The following ALG14 variants were observed in gnomAD, a reference collection of about 807,000 sequenced individuals.
ALG14 encodes ALG14 UDP-N-acetylglucosaminyltransferase subunit.
Under a neutral mutation model 22.8 loss-of-function variants are expected in ALG14, and 17 were observed. That is an observed-to-expected ratio of 0.75 (90% CI 0.51 to 1.12). The LOEUF (loss-of-function observed/expected upper bound fraction) is 1.12, where lower values mean the gene tolerates loss of function less well. Ranked by LOEUF, ALG14 falls within the 50% of genes most tolerant of loss-of-function variation. The pLI is 0.00. For missense variants in ALG14, 288 were observed against 271.8 expected (o/e 1.06, Z -0.42); for synonymous variants, 89 against 103.7 (o/e 0.86, Z 0.86).
At chr1:95,051,132 C>T (rs1323549124) in intron 2 of ALG14, among the ~76,000 whole-genome samples, 1 of 152,110 alleles carries the variant, frequency 6.6e-6, no homozygotes, top group East Asian at 1.9e-4. Flanking sequence ...CCTTCTGAAC[C>T]TCAGACTCAT....
chr1:95,010,848 A>C (rs1673342510), intron 3 of ALG14, among the ~76,000 whole-genome samples: 1 of 152,222 alleles, frequency 6.6e-6, no homozygotes, highest in African/African-American at 2.4e-5. Flanking sequence ...AAAAAAAGCC[A>C]GAATATCATT....
intron 1 of ALG14, chr1:95,067,120 C>A (rs1426839352): frequency 6.6e-6 from 1 of 152,032 alleles, no homozygotes; most frequent in African/African-American, 2.4e-5. Flanking sequence ...CTGGGAAAGG[C>A]CATGAAGGAA....
chr1:94,994,845 T>C (rs1672868565), intron 3 of ALG14, among the ~76,000 whole-genome samples: 1 of 152,190 alleles, frequency 6.6e-6, no homozygotes, highest in African/African-American at 2.4e-5. Context: ...ATAGCTTTAA[T>C]AGAGATATCA....
At chr1:95,055,293 A>G (rs1425096998) in intron 2 of ALG14, among the ~76,000 whole-genome samples, 2 of 152,356 alleles carry the variant, frequency 1.3e-5, no homozygotes, top group East Asian at 1.9e-4. Flanking sequence ...GATAACAAAG[A>G]TTCATAGTAA....
intron 1 of ALG14, among the ~76,000 whole-genome samples, chr1:95,071,077 G>C (rs149853734): frequency 0.01 from 1,544 of 152,158 alleles, 22 homozygotes; most frequent in African/African-American, 0.035. Context: ...AATCTCTCCT[G>C]TCCTCTCTCA....
intron 3 of ALG14, among the ~76,000 whole-genome samples, chr1:95,020,025 C>T (rs545264210): frequency 4.9e-4 from 75 of 152,132 alleles, no homozygotes; most frequent in Non-Finnish European, 9.6e-4. Flanking sequence ...CAAGACCAGC[C>T]TGGCCAACAT....
chr1:95,063,823 T>C (rs1675254410), intron 2 of ALG14, among the ~76,000 whole-genome samples: 1 of 152,220 alleles, frequency 6.6e-6, no homozygotes, highest in African/African-American at 2.4e-5. Context: ...GTGAAGAATG[T>C]AAATGGTGGT....
At chr1:95,012,595 A>C (rs1673396726) in intron 3 of ALG14, among the ~76,000 whole-genome samples, 1 of 152,218 alleles carries the variant, frequency 6.6e-6, no homozygotes, top group Admixed American at 6.6e-5. Context: ...TCAAACAGGC[A>C]GTTTAGTCAT....
chr1:95,067,281 G>A (rs1379972086), intron 1 of ALG14: 2 of 152,202 alleles, frequency 1.3e-5, no homozygotes, highest in Non-Finnish European at 2.9e-5. Flanking sequence ...ACCTTGGACT[G>A]ATGCCACCCT....
chr1:94,974,643 A>C lies in ALG14; in HGVS notation c.*8433T>G, dbSNP rs1672361339. 1 of 152,246 alleles carries C rather than the reference A, an allele frequency of 6.6e-6. No individual in the cohort carries two copies. Among genetic ancestry groups the C allele is most frequent in the South Asian group, 2.1e-4 (1 of 4,836 alleles). The allele number at this position is 152,246 out of a possible 1,614,324, so 9.4% of individuals were successfully genotyped here. A position where few individuals can be genotyped will look rare whatever the true frequency, so the allele number is the denominator to read the frequency against. The stretch of plus-strand genomic sequence containing the variant: ...ATCTTCTGCCTTTTGCCTGGCAGGC[A>C]AAAAATTTCTTCCTCTTTTAATATT... On this transcript the variant is annotated 3_prime_UTR_variant, in exon 4 of 4. Transcript: ENST00000370205.
At chr1:95,056,056 A>G (rs994811973) in intron 2 of ALG14, among the ~76,000 whole-genome samples, 3 of 151,764 alleles carry the variant, frequency 2.0e-5, no homozygotes, top group Non-Finnish European at 2.9e-5. Flanking sequence ...AAACTTCTGA[A>G]GGATAAAGCT....
rs370504910 is a variant in ALG14, at chr1:94,993,519, C to A, written c.421-10213G>T. On this transcript the variant is annotated intron_variant, in intron 3 of 3. Transcript: ENST00000370205. ...ATAGAAGAAGCCTGATTACCAAGGG[C>A]AGTATTTTCTGGACTTCCACCAACG... 6.0e-5 allele frequency among the ~76,000 whole-genome samples: 9 copies of A among 151,260 alleles called. No homozygotes were observed. In the South Asian group the frequency reaches 1.9e-3, roughly 32 times the overall value.
Position 94,979,742 on chromosome 1 carries a change from C to T in ALG14, c.*3334G>A, listed in dbSNP as rs775440779. 1 of 152,160 alleles carries T rather than the reference C, an allele frequency of 6.6e-6. No homozygotes were observed. The highest frequency in any genetic ancestry group is 1.5e-5 in the Non-Finnish European group (1 of 68,040). 9.4% of individuals were successfully genotyped at this position (152,160 alleles called of 1,614,324 possible). A position where few individuals can be genotyped will look rare whatever the true frequency, so the allele number is the denominator to read the frequency against. On this transcript the variant is annotated 3_prime_UTR_variant, in exon 4 of 4. Coordinates refer to ENST00000370205, the MANE Select transcript of ALG14 (RefSeq NM_144988.4). Reference sequence around the variant, plus strand: ...CTAGTGGGCTAGCATTAGTTAACTACTCCAGTGCGAAAAGGAGGAGCTATG... The same window carrying T: ...CTAGTGGGCTAGCATTAGTTAACTATTCCAGTGCGAAAAGGAGGAGCTATG...
chr1:95,035,487 G>A (rs1248478442), intron 2 of ALG14, among the ~76,000 whole-genome samples: 1 of 152,174 alleles, frequency 6.6e-6, no homozygotes, highest in African/African-American at 2.4e-5. Flanking sequence ...CTTGACTGAT[G>A]TATAATCAAA....
rs1038207375 is a variant in ALG14 at position 94,987,587 on chromosome 1, G to A, written c.421-4281C>T. Among the ~76,000 whole-genome samples the A allele has an allele frequency of 2.8e-4, 42 of 152,336 alleles. 1 individual carries two copies. Among genetic ancestry groups the A allele is most frequent in the African/African-American group, 8.9e-4 (37 of 41,580 alleles). On this transcript the variant is annotated intron_variant, in intron 3 of 3. Coordinates refer to ENST00000370205, the MANE Select transcript of ALG14 (RefSeq NM_144988.4). ...GTTTCAACAGGATTGTTGTTCTGTA[G>A]ATTTGGGTCACCACAGGTCAAGTCC...
intron 3 of ALG14, chr1:95,022,175 G>A (rs556958985): frequency 5.7e-4 from 171 of 297,400 alleles, no homozygotes; most frequent in Admixed American, 1.7e-3. Context: ...AAATGGAGAC[G>A]AATCAAAACA....
chr1:95,009,596 A>G (rs1000630236), intron 3 of ALG14, among the ~76,000 whole-genome samples: 1 of 152,172 alleles, frequency 6.6e-6, no homozygotes, highest in Admixed American at 6.5e-5. Flanking sequence ...TGATCATACA[A>G]TTGTATTCTC....
intron 3 of ALG14, among the ~76,000 whole-genome samples, chr1:95,003,204 C>T (rs932363527): frequency 1.3e-5 from 2 of 152,108 alleles, no homozygotes; most frequent in Non-Finnish European, 2.9e-5. Flanking sequence ...TATTTATTTT[C>T]AATTGAAAGT....
chr1:95,013,609 G>A (rs1006210405), intron 3 of ALG14, among the ~76,000 whole-genome samples: 3 of 152,126 alleles, frequency 2.0e-5, no homozygotes, highest in Non-Finnish European at 4.4e-5. Flanking sequence ...GTGAGCCAAC[G>A]TGCCTGGCCA....
Sources: gnomAD v4.1 joint callset for allele counts (sites outside exome capture counted in the v4.1 genomes callset) on GRCh38, gnomAD v4.1.1 for gene constraint, MANE v1.5 for transcripts, NCBI Gene and HGNC (gene_info 2026-07-23, HGNC 2026-07-21) for gene names.